The following TRPM3 variants were observed in gnomAD, a reference collection of about 807,000 sequenced individuals.
TRPM3 encodes the protein transient receptor potential cation channel subfamily M member 3.
TRPM3 carries 77 observed loss-of-function variants against 181.2 expected under a neutral mutation model. The observed-to-expected ratio is 0.42, with a 90% CI of 0.35 to 0.51. The LOEUF (loss-of-function observed/expected upper bound fraction) is 0.51, where lower values mean the gene tolerates loss of function less well. TRPM3 is among the 20% of genes least tolerant of loss of function. TRPM3 has a pLI of 0.01. For missense variants in TRPM3, 1,759 were observed against 2,196.7 expected (o/e 0.80, Z 3.98); for synonymous variants, 745 against 796.4 (o/e 0.94, Z 1.09).
At chr9:71,411,284 A>G (rs971504975) in intron 1 of TRPM3, among the ~76,000 whole-genome samples, 1 of 152,258 alleles carries the variant, frequency 6.6e-6, no homozygotes, top group Non-Finnish European at 1.5e-5. Flanking sequence ...AATAAAGGAT[A>G]TTCAATTAGA....
At chr9:70,537,637 G>T (rs549714816) in intron 25 of TRPM3, among the ~76,000 whole-genome samples, 1 of 152,292 alleles carries the variant, frequency 6.6e-6, no homozygotes, top group African/African-American at 2.4e-5. Context: ...CTAATCCAAT[G>T]ATTTTTTATT....
chr9:71,369,213 G>A (rs2092434115), intron 1 of TRPM3, among the ~76,000 whole-genome samples: 1 of 152,086 alleles, frequency 6.6e-6, no homozygotes, highest in African/African-American at 2.4e-5. Context: ...ACAATGAAAT[G>A]TGTTTATCTG....
At position 70,534,733 on chromosome 9, in the gene TRPM3, C is replaced by A. The variant is rs900334075; in HGVS notation, c.*1220G>T. 2.0e-5 allele frequency: 3 copies of A among 152,292 alleles called. No individual in the cohort carries two copies. The highest frequency in any genetic ancestry group is 1.9e-4 in the East Asian group (1 of 5,194). The allele number at this position is 152,292 out of a possible 1,614,324, so 9.4% of individuals were successfully genotyped here. ...AGTTTTGAAACTTCCTTAAAAAGTA[C>A]TTTGGAACATTTCCATAGAAAAGAT... On this transcript the variant is annotated 3_prime_UTR_variant, in exon 26 of 26. Coordinates refer to ENST00000677713, the MANE Select transcript of TRPM3 (RefSeq NM_001366145.2).
At chr9:70,991,555 G>T (rs13287913) in intron 1 of TRPM3, among the ~76,000 whole-genome samples, 61 of 124,496 alleles carry the variant, frequency 4.9e-4, no homozygotes, top group East Asian at 7.4e-4. Context: ...CTATGTGTCT[G>T]TTTTTTTTTT....
chr9:70,979,396 T>G (rs895665668), intron 1 of TRPM3, among the ~76,000 whole-genome samples: 1 of 152,326 alleles, frequency 6.6e-6, no homozygotes, highest in African/African-American at 2.4e-5. Flanking sequence ...CTAATTTTCA[T>G]TTGTCATTCT....
At chr9:71,139,005 C>T (rs1408061829) in intron 1 of TRPM3, among the ~76,000 whole-genome samples, 1 of 152,136 alleles carries the variant, frequency 6.6e-6, no homozygotes, top group East Asian at 1.9e-4. Context: ...AATTTGGTAG[C>T]ATAACTTACT....
At chr9:71,006,608 G>A (rs528643976) in intron 1 of TRPM3, among the ~76,000 whole-genome samples, 3 of 152,246 alleles carry the variant, frequency 2.0e-5, no homozygotes, top group South Asian at 4.2e-4. Context: ...GGTGGCTCAC[G>A]CCTGTAATCT....
chr9:70,755,582 G>A (rs1303468851), intron 8 of TRPM3, among the ~76,000 whole-genome samples: 1 of 151,922 alleles, frequency 6.6e-6, no homozygotes, highest in Non-Finnish European at 1.5e-5. Context: ...GTTGAGGCTG[G>A]TCTCGAACTC....
At chr9:71,298,836 T>C (rs1052267156) in intron 1 of TRPM3, among the ~76,000 whole-genome samples, 17 of 152,094 alleles carry the variant, frequency 1.1e-4, no homozygotes, top group African/African-American at 4.1e-4. Flanking sequence ...AAACCCTCTT[T>C]TATAAGGAAA....
chr9:71,059,219 C>T (rs2061022211), intron 1 of TRPM3, among the ~76,000 whole-genome samples: 1 of 151,692 alleles, frequency 6.6e-6, no homozygotes, highest in Admixed American at 6.6e-5. Flanking sequence ...CACCCTCTTG[C>T]CTACAATCTC....
intron 22 of TRPM3, among the ~76,000 whole-genome samples, chr9:70,557,624 T>C (rs1305844585): frequency 6.6e-6 from 1 of 152,156 alleles, no homozygotes. Flanking sequence ...CCAACCAGTA[T>C]CTGGAGATTT....
At chr9:71,058,775 C>A (rs1232395036) in intron 1 of TRPM3, among the ~76,000 whole-genome samples, 1 of 151,968 alleles carries the variant, frequency 6.6e-6, no homozygotes. Flanking sequence ...CAAAACCTAA[C>A]TTGGACTATA....
intron 8 of TRPM3, among the ~76,000 whole-genome samples, chr9:70,684,093 G>T (rs2041096808): frequency 1.3e-5 from 2 of 152,128 alleles, no homozygotes; most frequent in Admixed American, 6.5e-5. Context: ...CTAAAATTTT[G>T]CTTCATAAAG....
At chr9:71,138,349 T>C (rs1217163972) in intron 1 of TRPM3, among the ~76,000 whole-genome samples, 1 of 152,270 alleles carries the variant, frequency 6.6e-6, no homozygotes, top group East Asian at 1.9e-4. Context: ...AGCTTTTCCA[T>C]CCCCAGGTAG....
chr9:71,272,074 C>T (rs2083843664), intron 1 of TRPM3, among the ~76,000 whole-genome samples: 1 of 152,020 alleles, frequency 6.6e-6, no homozygotes, highest in Non-Finnish European at 1.5e-5. Context: ...ATGAGTTGTG[C>T]TTGAAAGGAA....
chr9:71,302,437 C>G (rs73649717), intron 1 of TRPM3, among the ~76,000 whole-genome samples: 1 of 152,146 alleles, frequency 6.6e-6, no homozygotes, highest in Non-Finnish European at 1.5e-5. Flanking sequence ...TACGCAAGAT[C>G]TGCAATGCAT....
chr9:71,367,411 T>C lies in TRPM3; in HGVS notation c.183+79242A>G, dbSNP rs545982484. 7.6e-4 allele frequency among the ~76,000 whole-genome samples: 115 copies of C among 152,308 alleles called. 2 individuals are homozygous for C. The highest frequency in any genetic ancestry group is 1.2e-4 in the Non-Finnish European group (8 of 68,016). ...GTTCTCCATTTTGTAGTTAAGGAAA[T>C]GGAGATTTGTTGGTTCACCAAGTCT... On this transcript the variant is annotated intron_variant, in intron 1 of 24. Coordinates refer to the TRPM3 transcript ENST00000357533.
intron 19 of TRPM3, among the ~76,000 whole-genome samples, chr9:70,609,430 C>T (rs1043319307): frequency 1.3e-5 from 2 of 152,094 alleles, no homozygotes; most frequent in African/African-American, 2.4e-5. Flanking sequence ...ATTTACATTT[C>T]GATAATATCC....
intron 1 of TRPM3, among the ~76,000 whole-genome samples, chr9:71,199,210 A>T (rs11524687): frequency 6.7e-6 from 1 of 150,196 alleles, no homozygotes; most frequent in African/African-American, 2.4e-5. Context: ...GCCTTGCATC[A>T]CAGGGATGAA....
Sources: gnomAD v4.1 joint callset for allele counts (sites outside exome capture counted in the v4.1 genomes callset) on GRCh38, gnomAD v4.1.1 for gene constraint, MANE v1.5 for transcripts, NCBI Gene and HGNC (gene_info 2026-07-23, HGNC 2026-07-21) for gene names.